ADGRF1: variants seen among roughly 807,000 people sequenced by gnomAD.
The protein encoded by ADGRF1 is G protein-coupled receptor 110.
A neutral mutation model predicts 87.2 loss-of-function variants in ADGRF1; 85 were observed. That is an observed-to-expected ratio of 0.97 (90% CI 0.82 to 1.17). The LOEUF (loss-of-function observed/expected upper bound fraction) is 1.17. ADGRF1 is among the 50% of genes most tolerant of loss of function. The probability of loss-of-function intolerance (pLI) is 0.00; values close to 1 mark genes in which losing one functional copy is unlikely to be tolerated. For missense variants in ADGRF1, 1,169 were observed against 1,077.2 expected (o/e 1.09, Z -1.19); for synonymous variants, 430 against 408.8 (o/e 1.05, Z -0.63).
chr6:47,001,476 A>G (rs1779362087), intron 14 of ADGRF1, 25 bp downstream of exon 14: 1 of 1,601,844 alleles, frequency 6.2e-7, no homozygotes. Flanking sequence ...CACCTTTTAT[A>G]ACCTTTGGTT....
intron 9 of ADGRF1, chr6:47,014,283 A>C: frequency 2.0e-6 from 2 of 989,254 alleles, no homozygotes; most frequent in Non-Finnish European, 1.2e-6. Context: ...AATTTCTGGT[A>C]TAGATATATC....
At chr6:47,024,894 C>A (rs1048775180) in intron 4 of ADGRF1, among the ~76,000 whole-genome samples, 7 of 152,142 alleles carry the variant, frequency 4.6e-5, no homozygotes, top group African/African-American at 1.7e-4. Flanking sequence ...ATAGCCACTG[C>A]AATGGAAGAG....
At chr6:47,019,614 G>A (rs1779979951) in intron 7 of ADGRF1, 1 of 344,738 alleles carries the variant, frequency 2.9e-6, no homozygotes, top group East Asian at 1.7e-4. Context: ...AACCAAGGAG[G>A]TGGAGGTTGC....
chr6:47,041,050 C>G (rs1780726184), intron 1 of ADGRF1, among the ~76,000 whole-genome samples: 2 of 152,234 alleles, frequency 1.3e-5, no homozygotes, highest in Admixed American at 1.3e-4. Flanking sequence ...TCAGACTCCA[C>G]AGGCATACAC....
intron 2 of ADGRF1, among the ~76,000 whole-genome samples, chr6:47,028,088 T>C (rs1488950178): frequency 6.6e-6 from 1 of 152,142 alleles, no homozygotes; most frequent in Non-Finnish European, 1.5e-5. Context: ...GTTTTACCTT[T>C]TCCTTGAGCG....
In ADGRF1 at chr6:47,009,528, A is replaced by G; in HGVS notation, c.1907T>C (p.Ile636Thr). Residue 636 changes from isoleucine (I) to threonine (T), a missense_variant, in exon 11 of 15, where the codon ATT (isoleucine) becomes ACT (threonine). Transcript: ENST00000371253. The stretch of plus-strand genomic sequence containing the variant: ...ACCAACAATAAACCAGACATCAGCA[A>G]TCAAGAGGGACAGGGCTATGTTCAC... ...CMVNIALSLL[I>T]ADVWFIVGAT... 1 of 1,614,108 alleles carries G rather than the reference A, an allele frequency of 6.2e-7. No homozygotes were observed. Among genetic ancestry groups the G allele is most frequent in the East Asian group, 2.2e-5 (1 of 44,860 alleles).
intron 9 of ADGRF1, chr6:47,012,727 T>G: frequency 1.0e-6 from 1 of 985,546 alleles, no homozygotes; most frequent in Non-Finnish European, 1.2e-6. Flanking sequence ...CATGGAGATT[T>G]GACTACTGGG....
At chr6:47,020,687 G>A in intron 7 of ADGRF1, 44 bp downstream of exon 7, 1 of 1,594,448 alleles carries the variant, frequency 6.3e-7, no homozygotes, top group Non-Finnish European at 8.6e-7. Flanking sequence ...CAGAACTGGT[G>A]CCCAATTCTG....
chr6:47,035,605 G>A (rs1051594012), intron 1 of ADGRF1, among the ~76,000 whole-genome samples: 8 of 151,940 alleles, frequency 5.3e-5, no homozygotes, highest in African/African-American at 1.7e-4. Flanking sequence ...TAAATACAAC[G>A]AATTTTTTAA....
In ADGRF1 at chr6:47,010,127, C is replaced by T. The variant is rs1779662244; in HGVS notation, c.1308G>A (p.Val436=). ...AACCCCTTTTGAGTTGGCTTTTGTT[C>T]ACTGGAATCCCTTTCCAGTCAATGA... The part of the protein sequence containing the change: ...RKFIDWKGIP[V]NKSQLKRGYS... Residue 436 remains valine, a synonymous_variant, in exon 11 of 15, where the codon GTG becomes GTA. Coordinates refer to ENST00000371253, the MANE Select transcript of ADGRF1 (RefSeq NM_153840.4). 1.9e-6 allele frequency: 3 copies of T among 1,614,132 alleles called. No homozygotes were observed.
At chr6:47,008,409 C>T (rs547712808) in intron 11 of ADGRF1, among the ~76,000 whole-genome samples, 3 of 152,172 alleles carry the variant, frequency 2.0e-5, no homozygotes, top group African/African-American at 4.8e-5. Flanking sequence ...TTAGGCTTTG[C>T]GGGCTATACG....
rs142993064 is a variant in ADGRF1 at position 47,021,985 on chromosome 6, G to A, written c.525C>T (p.Ser175=). 1.9e-6 allele frequency: 3 copies of A among 1,586,574 alleles called. No homozygotes were observed. Among genetic ancestry groups the A allele is most frequent in the African/African-American group, 1.4e-5 (1 of 73,752 alleles). Residue 175 remains serine (S), a synonymous_variant, in exon 6 of 15, where the codon TCC becomes TCT. Coordinates refer to ENST00000371253, the MANE Select transcript of ADGRF1 (RefSeq NM_153840.4). ...GAATTTCAATTCCATTTGCATATTT[G>A]GAGTATATAGCAGAAGATGAATTCA... ...DLLNSSSAIY[S]KYANGIEIQL...
intron 10 of ADGRF1, among the ~76,000 whole-genome samples, chr6:47,010,636 C>T (rs1471661579): frequency 6.6e-6 from 1 of 152,186 alleles, no homozygotes; most frequent in Non-Finnish European, 1.5e-5. Flanking sequence ...ATTTCCTCCT[C>T]TCCGAGATGT....
At chr6:47,022,231 G>T (rs1780080689) in intron 5 of ADGRF1, among the ~76,000 whole-genome samples, 173 bp from the exon 6 acceptor site, 1 of 152,186 alleles carries the variant, frequency 6.6e-6, no homozygotes, top group African/African-American at 2.4e-5. Flanking sequence ...TAAAAGCAGA[G>T]TTTCTGACTG....
At chr6:47,010,818 T>A (rs1248538673) in intron 10 of ADGRF1, among the ~76,000 whole-genome samples, 3 of 152,248 alleles carry the variant, frequency 2.0e-5, no homozygotes, top group Admixed American at 6.5e-5. Flanking sequence ...TCTTGTTTCC[T>A]ACTACATAAA....
At chr6:47,010,439 C>T (rs1779672703) in intron 10 of ADGRF1, 121 bp from the exon 11 acceptor site, 1 of 840,136 alleles carries the variant, frequency 1.2e-6, no homozygotes, top group South Asian at 1.8e-5. Context: ...CAGTCACGAA[C>T]CACATTAAAA....
Position 47,011,886 on chromosome 6 carries a change from A to T in ADGRF1, c.1116+121T>A. Reference sequence around the variant, plus strand: ...TACCTCAGAGGAAGCAGTAAAGTTCACATAAAGACGCATACATGGCTTTCT... The same window carrying T: ...TACCTCAGAGGAAGCAGTAAAGTTCTCATAAAGACGCATACATGGCTTTCT... On this transcript the variant is annotated intron_variant, in intron 10 of 14. Coordinates refer to ENST00000371253, the MANE Select transcript of ADGRF1 (RefSeq NM_153840.4). 6 of 848,142 alleles carry T rather than the reference A, an allele frequency of 7.1e-6. 1 individual carries two copies. Among genetic ancestry groups the T allele is most frequent in the Non-Finnish European group, 7.2e-6 (4 of 556,144 alleles). 52.5% of individuals were successfully genotyped at this position (848,142 alleles called of 1,614,324 possible).
chr6:47,014,777 A>G lies in ADGRF1; in HGVS notation c.831T>C (p.Ser277=), dbSNP rs1779815131. The change falls in exon 9 of 15, where the codon AGT becomes AGC. Residue 277 remains serine (S), a synonymous_variant. Coordinates refer to ENST00000371253, the MANE Select transcript of ADGRF1 (RefSeq NM_153840.4). ...TGGCTGTGATGTTTCCCCTGTAGCC[A>G]CTGCTGCAGGGCAGGGTATATTCAT... The part of the protein sequence containing the change: ...KDDEYTLPCS[S]GYRGNITAKC... The G allele has an allele frequency of 6.2e-7, 1 of 1,613,892 alleles. No homozygotes were observed. The highest frequency in any genetic ancestry group is 1.1e-5 in the South Asian group (1 of 91,082).
At chr6:47,020,177 A>G in intron 7 of ADGRF1, 1 of 1,161,408 alleles carries the variant, frequency 8.6e-7, no homozygotes. Flanking sequence ...ACTGACCCAC[A>G]GTTTTGAGAA....
Sources: gnomAD v4.1 joint callset for allele counts (sites outside exome capture counted in the v4.1 genomes callset) on GRCh38, gnomAD v4.1.1 for gene constraint, MANE v1.5 for transcripts, NCBI Gene and HGNC (gene_info 2026-07-23, HGNC 2026-07-21) for gene names.